PRKG1: variants seen among roughly 807,000 people sequenced by gnomAD.
PRKG1 encodes the protein cGMP-dependent protein kinase 1.
In PRKG1, 35 loss-of-function variants were observed where a neutral mutation model predicts 88.1. The ratio of observed to expected loss-of-function variants is 0.40; its 90% CI spans 0.30 to 0.53. The LOEUF (loss-of-function observed/expected upper bound fraction) is 0.53. PRKG1 is among the 20% of genes least tolerant of loss of function. The probability of loss-of-function intolerance (pLI) is 0.59; values close to 1 mark genes in which losing one functional copy is unlikely to be tolerated. For missense variants in PRKG1, 540 were observed against 839.8 expected, an observed-to-expected ratio of 0.64 and a Z score of 4.41; for synonymous variants, 303 against 292.5, an observed-to-expected ratio of 1.04 and a Z score of -0.37.
intron 3 of PRKG1, among the ~76,000 whole-genome samples, chr10:51,680,699 ACTTTC>A (rs1359296955): frequency 6.6e-6 from 1 of 152,212 alleles, no homozygotes; most frequent in Non-Finnish European, 1.5e-5. Context: ...AGTACTCTGT[ACTTTC>A]CTTTAATTTG....
At chr10:51,712,371 A>T (rs1478511283) in intron 3 of PRKG1, among the ~76,000 whole-genome samples, 2 of 152,106 alleles carry the variant, frequency 1.3e-5, no homozygotes, top group Non-Finnish European at 2.9e-5. Context: ...GGTGAGAGTG[A>T]TCTTCCTGTT....
chr10:51,715,562 A>G (rs541623886), intron 3 of PRKG1, among the ~76,000 whole-genome samples: 3 of 152,342 alleles, frequency 2.0e-5, no homozygotes, highest in Admixed American at 2.0e-4. Flanking sequence ...TAACTGTTCT[A>G]TGGAATAGAA....
intron 2 of PRKG1, among the ~76,000 whole-genome samples, chr10:51,417,158 A>C (rs1163599089): frequency 6.6e-6 from 1 of 152,214 alleles, no homozygotes; most frequent in Admixed American, 6.5e-5. Flanking sequence ...CCAACAAGAA[A>C]CCAATATCAA....
At chr10:52,273,297 A>G (rs1171807444) in intron 12 of PRKG1, among the ~76,000 whole-genome samples, 2 of 151,974 alleles carry the variant, frequency 1.3e-5, no homozygotes, top group Admixed American at 1.3e-4. Flanking sequence ...ATTATTTTCC[A>G]TGAATGATTT....
At chr10:51,059,406 AT>A (rs1309272880) in intron 1 of PRKG1, among the ~76,000 whole-genome samples, 1 of 151,846 alleles carries the variant, frequency 6.6e-6, no homozygotes, top group Non-Finnish European at 1.5e-5. Context: ...TCATTTATTT[AT>A]TTTTTTAGAG....
chr10:51,439,739 A>AGATTTTGAAGAACCCAGATGCCATTCT, intron 2 of PRKG1, among the ~76,000 whole-genome samples: 1 of 152,038 alleles, frequency 6.6e-6, no homozygotes, highest in South Asian at 2.1e-4. Flanking sequence ...ATGTTCTCTG[A>AGATTTTGAAGAACCCAGATGCCATTCT]GATTTTGAAG....
intron 5 of PRKG1, among the ~76,000 whole-genome samples, chr10:51,962,477 T>TTTTC (rs1454246834): frequency 2.0e-5 from 3 of 152,088 alleles, no homozygotes; most frequent in African/African-American, 7.2e-5. Flanking sequence ...CCAGATTTCT[T>TTTTC]TTTCTTTTCT....
intron 10 of PRKG1, among the ~76,000 whole-genome samples, chr10:52,270,020 T>C (rs1841675714): frequency 6.6e-6 from 1 of 151,402 alleles, no homozygotes; most frequent in Non-Finnish European, 1.5e-5. Flanking sequence ...TCATGCTTGT[T>C]TGAGAAGAAA....
chr10:51,242,775 AT>A (rs1839187880), intron 2 of PRKG1, among the ~76,000 whole-genome samples: 1 of 152,160 alleles, frequency 6.6e-6, no homozygotes, highest in Non-Finnish European at 1.5e-5. Context: ...CAATTTTTAG[AT>A]TAATTAGCTT....
chr10:52,241,270 T>C (rs1022105225), intron 9 of PRKG1, among the ~76,000 whole-genome samples: 1 of 152,046 alleles, frequency 6.6e-6, no homozygotes, highest in African/African-American at 2.4e-5. Context: ...GAGGACAGGA[T>C]TGGGAAGGGG....
intron 3 of PRKG1, among the ~76,000 whole-genome samples, chr10:51,579,295 A>G (rs114982184): frequency 0.069 from 10,476 of 151,950 alleles, 1,193 homozygotes; most frequent in African/African-American, 0.24. Context: ...TTTATTATTC[A>G]TAATGGATGT....
At position 51,285,376 on chromosome 10, in the gene PRKG1, TTCTC is replaced by T. The variant is rs1452141354; in HGVS notation, c.478+132048_478+132051del. Among the ~76,000 whole-genome samples the T allele has an allele frequency of 2.0e-5, 3 of 152,248 alleles. No individual in the cohort carries two copies. The East Asian group carries it at 5.8e-4, about 29-fold the overall frequency. Reference sequence around the variant, plus strand: ...ACTTAGGTTCACAACTTTTTTCTGTTTCTCTTCTTTTTAGTGAAAAATGAAGCTA... The same window carrying T: ...ACTTAGGTTCACAACTTTTTTCTGTTTTCTTTTTAGTGAAAAATGAAGCTA... On this transcript the variant is annotated intron_variant, in intron 2 of 17. Coordinates refer to ENST00000373980, the MANE Select transcript of PRKG1 (RefSeq NM_006258.4).
chr10:52,282,785 G>A (rs1478108841), intron 14 of PRKG1, among the ~76,000 whole-genome samples: 1 of 151,942 alleles, frequency 6.6e-6, no homozygotes, highest in Non-Finnish European at 1.5e-5. Flanking sequence ...GACACCACAA[G>A]GTATAAAACA....
chr10:51,788,587 G>A (rs556612572), intron 3 of PRKG1, among the ~76,000 whole-genome samples: 8 of 152,030 alleles, frequency 5.3e-5, no homozygotes, highest in Admixed American at 1.3e-4. Context: ...GTCTACTAGC[G>A]CCTAGAAAAT....
chr10:51,243,127 G>A (rs942947434), intron 2 of PRKG1, among the ~76,000 whole-genome samples: 1 of 152,090 alleles, frequency 6.6e-6, no homozygotes, highest in South Asian at 2.1e-4. Flanking sequence ...TTTGGTGGGG[G>A]ATTGTAAGCC....
intron 3 of PRKG1, among the ~76,000 whole-genome samples, chr10:51,624,533 A>G (rs1232074640): frequency 6.6e-6 from 1 of 152,194 alleles, no homozygotes; most frequent in Non-Finnish European, 1.5e-5. Context: ...TCTGTCTGGC[A>G]TAATCTTTTA....
chr10:51,157,808 T>A (rs1261769083), intron 2 of PRKG1, among the ~76,000 whole-genome samples: 2 of 151,988 alleles, frequency 1.3e-5, no homozygotes, highest in Admixed American at 1.3e-4. Flanking sequence ...TCATCAATTT[T>A]TTTTTTGCAT....
intron 9 of PRKG1, among the ~76,000 whole-genome samples, chr10:52,220,254 T>C (rs1840210653): frequency 6.6e-6 from 1 of 152,134 alleles, no homozygotes; most frequent in South Asian, 2.1e-4. Context: ...AGTCACCCTA[T>C]CATGAAGACA....
At chr10:51,111,374 A>G (rs1844975371) in intron 1 of PRKG1, among the ~76,000 whole-genome samples, 1 of 152,158 alleles carries the variant, frequency 6.6e-6, no homozygotes, top group South Asian at 2.1e-4. Flanking sequence ...ATCATGAAGA[A>G]TGGGGTATCC....
Sources: allele counts gnomAD v4.1 joint callset (sites outside exome capture counted in the v4.1 genomes callset), GRCh38; gene constraint gnomAD v4.1.1; transcripts MANE v1.5; gene names NCBI Gene and HGNC (gene_info 2026-07-23, HGNC 2026-07-21).